Variants in FRMD4B observed in about 807,000 individuals in gnomAD.
The protein encoded by FRMD4B is FERM domain containing 4B.
In FRMD4B, 74 loss-of-function variants were observed where a neutral mutation model predicts 141.5. The ratio of observed to expected loss-of-function variants is 0.52; its 90% CI spans 0.43 to 0.63. The LOEUF (loss-of-function observed/expected upper bound fraction) is 0.63, where lower values mean the gene tolerates loss of function less well. Among genes scored for constraint, FRMD4B ranks in the 30% least tolerant of loss-of-function variants. The probability of loss-of-function intolerance (pLI) is 0.00; values close to 1 mark genes in which losing one functional copy is unlikely to be tolerated. For synonymous variants in FRMD4B, 506 were observed against 467.9 expected (o/e 1.08, Z -1.05); for missense variants, 1,366 against 1,253.4 (o/e 1.09, Z -1.36).
At chr3:69,501,804 C>T (rs1463563140) in intron 1 of FRMD4B, among the ~76,000 whole-genome samples, 2 of 152,122 alleles carry the variant, frequency 1.3e-5, no homozygotes, top group African/African-American at 4.8e-5. Flanking sequence ...CCCAAAATCG[C>T]CTTAAGCTGA....
At chr3:69,392,461 G>A (rs1704400611) in intron 2 of FRMD4B, among the ~76,000 whole-genome samples, 1 of 152,074 alleles carries the variant, frequency 6.6e-6, no homozygotes, top group Non-Finnish European at 1.5e-5. Context: ...TGGCAAGAAG[G>A]ATCCCATATT....
chr3:69,529,968 T>C (rs1379142416), intron 1 of FRMD4B, among the ~76,000 whole-genome samples: 1 of 152,232 alleles, frequency 6.6e-6, no homozygotes, highest in Non-Finnish European at 1.5e-5. Flanking sequence ...ATTTAGACTT[T>C]TAGAATACCC....
intron 1 of FRMD4B, among the ~76,000 whole-genome samples, chr3:69,350,955 A>G (rs1703126289): frequency 6.6e-6 from 1 of 152,154 alleles, no homozygotes; most frequent in Non-Finnish European, 1.5e-5. Flanking sequence ...CATTGTGCAC[A>G]TGTACTCTAG....
At chr3:69,243,244 G>C (rs11921975) in intron 7 of FRMD4B, among the ~76,000 whole-genome samples, 5,278 of 152,184 alleles carry the variant, frequency 0.035, 325 homozygotes, top group African/African-American at 0.12. Flanking sequence ...GTTTCCTACT[G>C]GTTATGATAA....
chr3:69,196,872 C>A (rs1457306235), intron 13 of FRMD4B, 28 bp downstream of exon 13: 44 of 1,558,302 alleles, frequency 2.8e-5, no homozygotes, highest in African/African-American at 5.4e-5. Context: ...GGGAATCTGT[C>A]CCTATAGAAA....
intron 5 of FRMD4B, among the ~76,000 whole-genome samples, chr3:69,258,433 C>T (rs900081020): frequency 1.3e-5 from 2 of 152,104 alleles, no homozygotes; most frequent in Non-Finnish European, 2.9e-5. Context: ...CTTAGGGAAA[C>T]ATATATATTT....
chr3:69,231,126 G>T (rs1033035704), intron 7 of FRMD4B, among the ~76,000 whole-genome samples: 93 of 152,318 alleles, frequency 6.1e-4, no homozygotes, highest in African/African-American at 2.1e-3. Context: ...GGTGCTATAG[G>T]CTTAACAAAA....
intron 1 of FRMD4B, among the ~76,000 whole-genome samples, chr3:69,451,379 G>A (rs926699445): frequency 2.6e-5 from 4 of 152,200 alleles, no homozygotes; most frequent in African/African-American, 7.2e-5. Context: ...AGGAAGTGCT[G>A]TGATAAGGTT....
At chr3:69,342,350 C>G (rs1215376944) in intron 1 of FRMD4B, among the ~76,000 whole-genome samples, 1 of 152,150 alleles carries the variant, frequency 6.6e-6, no homozygotes, top group Non-Finnish European at 1.5e-5. Context: ...GTCCAAATGA[C>G]AGAATGCTGA....
intron 2 of FRMD4B, among the ~76,000 whole-genome samples, chr3:69,421,540 A>G (rs973727000): frequency 6.6e-6 from 1 of 152,162 alleles, no homozygotes; most frequent in Non-Finnish European, 1.5e-5. Flanking sequence ...AAAGTCTCCC[A>G]ATCTTTAAGT....
intron 1 of FRMD4B, among the ~76,000 whole-genome samples, chr3:69,533,177 C>G (rs991477203): frequency 6.6e-5 from 10 of 152,196 alleles, no homozygotes; most frequent in Admixed American, 6.5e-4. Context: ...TGTTCAGGAT[C>G]TGTTGTAGGG....
intron 1 of FRMD4B, among the ~76,000 whole-genome samples, chr3:69,358,774 C>T (rs1360426299): frequency 3.9e-5 from 6 of 152,038 alleles, no homozygotes; most frequent in Admixed American, 3.9e-4. Context: ...AGAAGTGGGA[C>T]CTTCAAGACA....
intron 1 of FRMD4B, among the ~76,000 whole-genome samples, chr3:69,349,099 T>A (rs1290073954): frequency 6.6e-6 from 1 of 152,234 alleles, no homozygotes; most frequent in Non-Finnish European, 1.5e-5. Context: ...AAAATCTCCT[T>A]AAGCTGATAA....
chr3:69,482,111 A>T (rs1157391746), intron 1 of FRMD4B, among the ~76,000 whole-genome samples: 1 of 152,238 alleles, frequency 6.6e-6, no homozygotes, highest in African/African-American at 2.4e-5. Context: ...GGTTTCAGAA[A>T]TCACTGAGCA....
At chr3:69,387,668 A>G (rs1415731924), upstream of FRMD4B, among the ~76,000 whole-genome samples, 7 of 152,228 alleles carry the variant, frequency 4.6e-5, no homozygotes, top group African/African-American at 7.2e-5. Flanking sequence ...GATTTCAGGT[A>G]TCAAATGTGC....
intron 1 of FRMD4B, among the ~76,000 whole-genome samples, chr3:69,370,156 A>G (rs1703785493): frequency 6.6e-6 from 1 of 151,810 alleles, no homozygotes; most frequent in African/African-American, 2.4e-5. Flanking sequence ...GGAAAATCCA[A>G]TCAGAAGGGC....
intron 9 of FRMD4B, among the ~76,000 whole-genome samples, chr3:69,218,760 C>A (rs974743848): frequency 3.9e-5 from 6 of 152,114 alleles, no homozygotes; most frequent in African/African-American, 7.2e-5. Flanking sequence ...TAAAGCTATG[C>A]CATATATTGC....
intron 1 of FRMD4B, among the ~76,000 whole-genome samples, chr3:69,339,023 C>T (rs1034114700): frequency 1.2e-4 from 18 of 152,114 alleles, no homozygotes; most frequent in Admixed American, 4.6e-4. Context: ...ACGCATCCCC[C>T]GCCATTTGCT....
At chr3:69,285,831 G>A (rs1259284655) in intron 5 of FRMD4B, among the ~76,000 whole-genome samples, 1 of 151,114 alleles carries the variant, frequency 6.6e-6, no homozygotes, top group South Asian at 2.1e-4. Flanking sequence ...GCAACAAAGC[G>A]AGACTCCATC....
Sources: gnomAD v4.1 joint callset for allele counts (sites outside exome capture counted in the v4.1 genomes callset) on GRCh38, gnomAD v4.1.1 for gene constraint, MANE v1.5 for transcripts, NCBI Gene and HGNC (gene_info 2026-07-23, HGNC 2026-07-21) for gene names.